The following GRXCR1 variants were observed in gnomAD, a reference collection of about 807,000 sequenced individuals.
GRXCR1 encodes the protein glutaredoxin and cysteine rich domain containing 1.
In GRXCR1, 27 loss-of-function variants were observed where a neutral mutation model predicts 27.3. That is an observed-to-expected ratio of 0.99 (90% confidence interval 0.73 to 1.37). The LOEUF is 1.37. GRXCR1 is among the 40% of genes most tolerant of loss of function. The pLI, the probability that GRXCR1 is intolerant of heterozygous loss-of-function variation, is 0.00. For synonymous variants in GRXCR1, 122 were observed against 131.1 expected, an observed-to-expected ratio of 0.93 and a Z score of 0.47; for missense variants, 379 against 354.4, an observed-to-expected ratio of 1.07 and a Z score of -0.56.
chr4:42,905,710 G>A (rs1560643961), intron 1 of GRXCR1, among the ~76,000 whole-genome samples: 1 of 152,122 alleles, frequency 6.6e-6, no homozygotes, highest in Non-Finnish European at 1.5e-5. Flanking sequence ...ATTCCTTACA[G>A]GTGTGCCTCT....
intron 3 of GRXCR1, among the ~76,000 whole-genome samples, chr4:43,025,230 C>T (rs1455144643): frequency 6.6e-6 from 1 of 152,002 alleles, no homozygotes; most frequent in African/African-American, 2.4e-5. Context: ...AGACACAATA[C>T]ATTTCGTGTG....
intron 2 of GRXCR1, among the ~76,000 whole-genome samples, chr4:43,001,834 A>G (rs1712373506): frequency 9.6e-6 from 1 of 104,276 alleles, no homozygotes; most frequent in Non-Finnish European, 1.9e-5. Context: ...TATTTTCATT[A>G]TTTCAGCAAA....
At chr4:42,989,917 T>A (rs1275766251) in intron 2 of GRXCR1, among the ~76,000 whole-genome samples, 3 of 152,104 alleles carry the variant, frequency 2.0e-5, no homozygotes, top group African/African-American at 4.8e-5. Context: ...ATTAATATAT[T>A]ATCATTTTCC....
chr4:43,023,806 G>C (rs1231784007), intron 3 of GRXCR1, among the ~76,000 whole-genome samples: 1 of 152,272 alleles, frequency 6.6e-6, no homozygotes, highest in Middle Eastern at 3.4e-3. Context: ...AGGAGGCAAA[G>C]CATTCAAGAG....
chr4:42,914,427 G>T (rs542884284), intron 1 of GRXCR1, among the ~76,000 whole-genome samples: 1 of 152,344 alleles, frequency 6.6e-6, no homozygotes, highest in African/African-American at 2.4e-5. Context: ...TTTTGAACTT[G>T]CATGGGGGCT....
chr4:42,976,337 C>T (rs1187647191), intron 2 of GRXCR1, among the ~76,000 whole-genome samples: 3 of 151,852 alleles, frequency 2.0e-5, no homozygotes, highest in Non-Finnish European at 4.4e-5. Flanking sequence ...TAGTTATGGT[C>T]TTCATTTGAG....
At chr4:42,915,421 G>C (rs1370518655) in intron 1 of GRXCR1, among the ~76,000 whole-genome samples, 1 of 152,120 alleles carries the variant, frequency 6.6e-6, no homozygotes, top group Non-Finnish European at 1.5e-5. Context: ...ATTAGGGTGT[G>C]TAGGATTGTC....
At chr4:42,893,698 A>C in intron 1 of GRXCR1, 48 bp downstream of exon 1, 1 of 1,566,784 alleles carries the variant, frequency 6.4e-7, no homozygotes, top group Non-Finnish European at 8.7e-7. Flanking sequence ...CTAACTCACC[A>C]TCTGAACACC....
intron 1 of GRXCR1, among the ~76,000 whole-genome samples, chr4:42,915,603 C>T (rs1746868019): frequency 6.6e-6 from 1 of 152,048 alleles, no homozygotes; most frequent in African/African-American, 2.4e-5. Flanking sequence ...AGTAGCTTGG[C>T]TCAGGTCCTA....
Position 42,975,964 on chromosome 4 carries a change from C to A in GRXCR1, c.627+12830C>A, listed in dbSNP as rs141214292. ...GCATTAAGTATTCCTAAATTATAGA[C>A]CCAAGGAACAGCTTCACGTACAGTC... is the stretch of plus-strand genomic sequence containing the variant. On this transcript the variant is annotated intron_variant, in intron 2 of 3. Transcript: ENST00000399770. Among the ~76,000 whole-genome samples the A allele has an allele frequency of 5.4e-3, 829 of 152,170 alleles. 12 individuals are homozygous for A. Among genetic ancestry groups the A allele is most frequent in the Middle Eastern group, 0.037 (11 of 294 alleles).
At chr4:42,971,961 C>G (rs1219878400) in intron 2 of GRXCR1, among the ~76,000 whole-genome samples, 5 of 152,066 alleles carry the variant, frequency 3.3e-5, no homozygotes, top group Non-Finnish European at 5.9e-5. Context: ...GGCACTTACA[C>G]AATCTTGGCT....
chr4:42,917,313 G>T (rs1577904560), intron 1 of GRXCR1, among the ~76,000 whole-genome samples: 1 of 152,120 alleles, frequency 6.6e-6, no homozygotes, highest in South Asian at 2.1e-4. Flanking sequence ...ACAAATGAGA[G>T]CTCCGTGTTT....
chr4:42,948,825 A>G (rs532558898), intron 1 of GRXCR1, among the ~76,000 whole-genome samples: 2 of 152,224 alleles, frequency 1.3e-5, no homozygotes, highest in East Asian at 1.9e-4. Flanking sequence ...ACCATTATCC[A>G]CAGAATGGGG....
chr4:42,894,231 T>G (rs1746299292), intron 1 of GRXCR1, among the ~76,000 whole-genome samples: 1 of 152,118 alleles, frequency 6.6e-6, no homozygotes, highest in East Asian at 1.9e-4. Flanking sequence ...AAATTACTCC[T>G]CTATAAATGT....
chr4:42,990,381 C>G (rs865916724), intron 2 of GRXCR1, among the ~76,000 whole-genome samples: 5 of 150,238 alleles, frequency 3.3e-5, no homozygotes, highest in Non-Finnish European at 1.5e-5. Flanking sequence ...TTAGTAGAGA[C>G]GGGGTTTCAC....
At chr4:42,949,205 C>A (rs1369831065) in intron 1 of GRXCR1, among the ~76,000 whole-genome samples, 2 of 151,072 alleles carry the variant, frequency 1.3e-5, no homozygotes, top group Non-Finnish European at 3.0e-5. Context: ...AATACACACA[C>A]ACACAAAAAA....
chr4:42,919,162 A>G (rs1251333759), intron 1 of GRXCR1, among the ~76,000 whole-genome samples: 1 of 152,162 alleles, frequency 6.6e-6, no homozygotes, highest in Admixed American at 6.6e-5. Context: ...CAACATGGCA[A>G]AACGGGGCCT....
chr4:43,022,834 A>T (rs1713136873), intron 3 of GRXCR1, among the ~76,000 whole-genome samples: 1 of 152,220 alleles, frequency 6.6e-6, no homozygotes, highest in Admixed American at 6.5e-5. Flanking sequence ...GAAACATTTC[A>T]GTCCTTACTA....
intron 1 of GRXCR1, among the ~76,000 whole-genome samples, chr4:42,905,568 C>T (rs925284676): frequency 1.3e-5 from 2 of 152,144 alleles, no homozygotes; most frequent in African/African-American, 2.4e-5. Context: ...ATAAAGGACC[C>T]AGACGTTTCC....
Sources: allele counts gnomAD v4.1 joint callset (sites outside exome capture counted in the v4.1 genomes callset), GRCh38; gene constraint gnomAD v4.1.1; transcripts MANE v1.5; gene names NCBI Gene and HGNC (gene_info 2026-07-23, HGNC 2026-07-21).